Variants in TRMT9B observed in about 807,000 individuals in gnomAD.
TRMT9B encodes the protein probable tRNA methyltransferase 9B.
A neutral mutation model predicts 11.5 loss-of-function variants in TRMT9B; 16 were observed. That is an observed-to-expected ratio of 1.39 (90% CI 0.94 to 2.11). The LOEUF (loss-of-function observed/expected upper bound fraction) is 2.11, where lower values mean the gene tolerates loss of function less well. Ranked by LOEUF, TRMT9B falls within the 30% of genes most tolerant of loss-of-function variation. The probability of loss-of-function intolerance (pLI) is 0.00; values close to 1 mark genes in which losing one functional copy is unlikely to be tolerated. For missense variants in TRMT9B, 941 were observed against 553.8 expected (o/e 1.70, Z -7.02); for synonymous variants, 274 against 192.4 (o/e 1.42, Z -3.51).
At chr8:12,951,262 C>T (rs896153855) in intron 1 of TRMT9B, 1 of 152,222 alleles carries the variant, frequency 6.6e-6, no homozygotes. Context: ...CCTACTTAAC[C>T]CCCCCATCTC....
In TRMT9B at chr8:13,022,069, C is replaced by G. The variant is rs373926244; in HGVS notation, c.*25C>G. ...ATTGGATCCTTTTAGACAACTCCTC[C>G]AAAAGATGAACCACATTCTTTCCTC... On this transcript the variant is annotated 3_prime_UTR_variant, in exon 5 of 5. Coordinates refer to ENST00000524591, the MANE Select transcript of TRMT9B (RefSeq NM_020844.3). 137 of 1,471,404 alleles carry G rather than the reference C, an allele frequency of 9.3e-5. 1 individual carries two copies. Among genetic ancestry groups the G allele is most frequent in the Non-Finnish European group, 1.2e-4 (132 of 1,092,502 alleles). The allele number at this position is 1,471,404 out of a possible 1,614,324, so 91.1% of individuals were successfully genotyped here.
intron 2 of TRMT9B, among the ~76,000 whole-genome samples, chr8:13,002,475 A>C (rs776793421): frequency 6.6e-6 from 1 of 152,204 alleles, no homozygotes; most frequent in Non-Finnish European, 1.5e-5. Context: ...ATTTCAGTTG[A>C]AGGTGCAACA....
chr8:12,987,973 C>T (rs532162699), intron 1 of TRMT9B, among the ~76,000 whole-genome samples: 15 of 152,338 alleles, frequency 9.8e-5, no homozygotes, highest in Admixed American at 7.2e-4. Flanking sequence ...ACAATTATTA[C>T]TGAATGTATA....
chr8:12,958,399 ATTCTT>A (rs1421302871), intron 1 of TRMT9B: 1 of 152,202 alleles, frequency 6.6e-6, no homozygotes, highest in African/African-American at 2.4e-5. Context: ...AAAGAAAAGC[ATTCTT>A]TTCTTCTGTA....
chr8:12,974,177 A>G (rs1290238313), intron 1 of TRMT9B, among the ~76,000 whole-genome samples: 1 of 120,092 alleles, frequency 8.3e-6, no homozygotes, highest in African/African-American at 3.1e-5. Context: ...CCCTTAAAAA[A>G]GAAAAGAAAA....
rs968358059 is a variant in TRMT9B, at chr8:13,024,713, T to C, written c.*2669T>C. 2 of 167,068 alleles carry C rather than the reference T, an allele frequency of 1.2e-5. No individual in the cohort carries two copies. Among genetic ancestry groups the C allele is most frequent in the African/African-American group, 4.8e-5 (2 of 41,454 alleles). 10.3% of individuals were successfully genotyped at this position (167,068 alleles called of 1,614,324 possible). On this transcript the variant is annotated 3_prime_UTR_variant, in exon 5 of 5. Transcript: ENST00000524591. ...TAGAACGGTTCTTTGGAGAGAAATA[T>C]TTTCATGTACGTTTGACAGGGGTGT...
intron 3 of TRMT9B, chr8:13,011,535 G>T (rs1241521278): frequency 1.0e-6 from 1 of 953,200 alleles, no homozygotes; most frequent in Non-Finnish European, 1.2e-6. Flanking sequence ...TAATATTTCT[G>T]GAAAGTAATT....
At chr8:12,959,604 C>G (rs920917142) in intron 1 of TRMT9B, among the ~76,000 whole-genome samples, 8 of 138,460 alleles carry the variant, frequency 5.8e-5, no homozygotes, top group African/African-American at 2.1e-4. Context: ...ATTGGAACCT[C>G]AACCTCCTGG....
At chr8:12,978,107 G>A (rs568477909) in intron 1 of TRMT9B, among the ~76,000 whole-genome samples, 2 of 152,182 alleles carry the variant, frequency 1.3e-5, no homozygotes, top group African/African-American at 4.8e-5. Flanking sequence ...AAAGCGAAGA[G>A]AGAAAGCAAA....
At chr8:12,995,147 T>A (rs1374887229) in intron 2 of TRMT9B, among the ~76,000 whole-genome samples, 1 of 152,218 alleles carries the variant, frequency 6.6e-6, no homozygotes, top group Non-Finnish European at 1.5e-5. Context: ...ATGAACATAA[T>A]AAACTGCAAC....
chr8:13,021,219 G>T lies in TRMT9B; in HGVS notation c.540G>T (p.Gln180His). The change falls in exon 5 of 5, where the codon CAG becomes CAT. Residue 180 changes from glutamine (Q) to histidine (H), a missense_variant. Physicochemically the swap from Gln to His is conservative, Grantham distance 24. Coordinates refer to ENST00000524591, the MANE Select transcript of TRMT9B (RefSeq NM_020844.3). ...CCAGCCAGTCTGGGAGGAAGAGGCA[G>T]TGTGGATACCCAGAAAGAGGCCATC... is the stretch of plus-strand genomic sequence containing the variant. ...SESSQSGRKR[Q>H]CGYPERGHPY... The T allele has an allele frequency of 6.2e-7, 1 of 1,613,920 alleles. No homozygotes were observed. Among genetic ancestry groups the T allele is most frequent in the Non-Finnish European group, 8.5e-7 (1 of 1,179,820 alleles).
intron 4 of TRMT9B, among the ~76,000 whole-genome samples, chr8:13,019,273 C>T (rs77587992): frequency 0.018 from 2,766 of 152,188 alleles, 49 homozygotes; most frequent in Non-Finnish European, 0.025. Flanking sequence ...ATGGGAGATA[C>T]ATTTATATGA....
rs1187804524 is a variant in TRMT9B at position 13,028,576 on chromosome 8, T to TTTCTTTTCTTTTTTC, written c.*6534_*6535insCTTTTCTTTTTTCTT. 2.6e-5 allele frequency: 1 copy of TTTCTTTTCTTTTTTC among 39,088 alleles called. No individual in the cohort carries two copies. Among genetic ancestry groups the TTTCTTTTCTTTTTTC allele is most frequent in the African/African-American group, 7.4e-5 (1 of 13,462 alleles). 2.4% of individuals were successfully genotyped at this position (39,088 alleles called of 1,614,324 possible). ...TAAGCACTTTTCTCTTTTCTTTTCT[T>TTTCTTTTCTTTTTTC]TTTTTTTTTTTTTTTTTGAGACAGT... is the stretch of plus-strand genomic sequence containing the variant. On this transcript the variant is annotated 3_prime_UTR_variant, in exon 5 of 5. Transcript: ENST00000524591.
Position 12,988,083 on chromosome 8 carries a change from A to G in TRMT9B, c.-199-2751A>G, listed in dbSNP as rs527920756. On this transcript the variant is annotated intron_variant, in intron 1 of 4. Transcript: ENST00000524591. ...CTGTTATTGCTGTTGTTATTCATTTATTGGCTTTGTGTCTTTCTTTTTGCA... is the reference window on the plus strand; with the variant it reads ...CTGTTATTGCTGTTGTTATTCATTTGTTGGCTTTGTGTCTTTCTTTTTGCA... 2.6e-5 allele frequency among the ~76,000 whole-genome samples: 4 copies of G among 152,224 alleles called. No homozygotes were observed. The South Asian group carries it at 8.3e-4, about 32-fold the overall frequency.
chr8:12,958,577 GT>G, intron 1 of TRMT9B: 1 of 166,432 alleles, frequency 6.0e-6, no homozygotes. Flanking sequence ...AAGGAAGCTA[GT>G]TTTTCTGTCA....
chr8:12,975,452 CT>C (rs1318783037), intron 1 of TRMT9B, among the ~76,000 whole-genome samples: 4 of 152,010 alleles, frequency 2.6e-5, no homozygotes, highest in African/African-American at 9.7e-5. Flanking sequence ...ATTGATGTTT[CT>C]AGGGGAGGTA....
intron 1 of TRMT9B, among the ~76,000 whole-genome samples, chr8:12,985,234 G>C (rs1339115862): frequency 6.6e-6 from 1 of 152,146 alleles, no homozygotes; most frequent in Non-Finnish European, 1.5e-5. Flanking sequence ...TGGGATTCCA[G>C]AGAGGATCGT....
At chr8:12,988,455 G>A (rs943449130) in intron 1 of TRMT9B, among the ~76,000 whole-genome samples, 4 of 152,142 alleles carry the variant, frequency 2.6e-5, no homozygotes, top group Non-Finnish European at 5.9e-5. Context: ...AGACATACCC[G>A]AGACTGTGTA....
intron 1 of TRMT9B, chr8:12,959,873 T>TGA (rs1801856133): frequency 6.6e-6 from 1 of 152,162 alleles, no homozygotes; most frequent in Non-Finnish European, 1.5e-5. Flanking sequence ...CTGCTTCTCT[T>TGA]GATTTGGAAG....
Sources: gnomAD v4.1 joint callset for allele counts (sites outside exome capture counted in the v4.1 genomes callset) on GRCh38, gnomAD v4.1.1 for gene constraint, MANE v1.5 for transcripts, NCBI Gene and HGNC (gene_info 2026-07-23, HGNC 2026-07-21) for gene names.